Variants in GRIA3 observed in about 807,000 individuals in gnomAD.
GRIA3 encodes glutamate receptor 3.
A neutral mutation model predicts 63.0 loss-of-function variants in GRIA3; 3 were observed. The ratio of observed to expected loss-of-function variants is 0.05; its 90% CI spans 0.02 to 0.12. The LOEUF is 0.12. GRIA3 is among the 10% of genes least tolerant of loss of function. The probability of loss-of-function intolerance (pLI) is 1.00; values close to 1 mark genes in which losing one functional copy is unlikely to be tolerated. For synonymous variants in GRIA3, 274 were observed against 257.9 expected (o/e 1.06, Z -0.60); for missense variants, 347 against 700.9 (o/e 0.50, Z 5.70).
At chrX:123,458,089 G>A (rs1339438140) in intron 12 of GRIA3, among the ~76,000 whole-genome samples, 9 of 110,319 alleles carry the variant, frequency 8.2e-5, no homozygotes, top group Non-Finnish European at 1.3e-4. Flanking sequence ...ACATCGTGTC[G>A]GGAAGAGAGC....
At chrX:123,218,451 G>GTTTTGTT (rs989983816) in intron 2 of GRIA3, among the ~76,000 whole-genome samples, 3 of 111,479 alleles carry the variant, frequency 2.7e-5, no homozygotes, top group Admixed American at 9.5e-5. Flanking sequence ...TTTTTGTTTT[G>GTTTTGTT]TTTTGTTTTT....
At chrX:123,379,105 C>A (rs2045305116) in intron 5 of GRIA3, among the ~76,000 whole-genome samples, 1 of 111,394 alleles carries the variant, frequency 9.0e-6, no homozygotes, top group South Asian at 3.8e-4. Context: ...AATTAAATGT[C>A]TTAAAATAAT....
At chrX:123,482,664 G>A (rs1488545542) in intron 14 of GRIA3, 135 bp from the exon 15 acceptor site, 1 of 727,667 alleles carries the variant, frequency 1.4e-6, no homozygotes, top group African/African-American at 2.1e-5. Context: ...CCAGTTGCCA[G>A]AATTGAGTCA....
chrX:123,189,411 C>T (rs368803729), intron 2 of GRIA3, among the ~76,000 whole-genome samples: 7 of 112,338 alleles, frequency 6.2e-5, no homozygotes, highest in East Asian at 2.8e-4. Flanking sequence ...TGTGTCCCAT[C>T]GTGTGGCTTT....
At chrX:123,201,425 G>T (rs1002616253) in intron 2 of GRIA3, among the ~76,000 whole-genome samples, 2 of 111,964 alleles carry the variant, frequency 1.8e-5, no homozygotes, top group African/African-American at 6.5e-5. Context: ...GATGCAGAGG[G>T]TGCAGGAGAC....
intron 5 of GRIA3, among the ~76,000 whole-genome samples, chrX:123,384,323 G>C (rs943840116): frequency 1.8e-5 from 2 of 112,619 alleles, no homozygotes; most frequent in Non-Finnish European, 3.8e-5. Context: ...CACCAACAAT[G>C]TATAAAGTGT....
intron 13 of GRIA3, among the ~76,000 whole-genome samples, chrX:123,476,868 G>A (rs1467318679): frequency 9.0e-6 from 1 of 111,471 alleles, no homozygotes; most frequent in Non-Finnish European, 1.9e-5. Flanking sequence ...CGACCCAGGT[G>A]TGACAACAAA....
rs765352236 is a variant in GRIA3 at position 123,483,051 on chromosome X, G to A, written c.*2+5G>A. 4.2e-6 allele frequency: 5 copies of A among 1,185,499 alleles called. No individual in the cohort carries two copies. The highest frequency in any genetic ancestry group is 5.7e-6 in the Non-Finnish European group (5 of 873,393). ...AGAGAGTGTTAAGATCTAGGGGTAC[G>A]GTTAAGGTCTAGTAAACTAATCAGC... is the stretch of plus-strand genomic sequence containing the variant. On this transcript the variant is annotated splice_donor_5th_base_variant and intron_variant, in intron 15 of 15. Coordinates refer to ENST00000620443, the MANE Select transcript of GRIA3 (RefSeq NM_007325.5).
intron 12 of GRIA3, among the ~76,000 whole-genome samples, chrX:123,446,384 G>A (rs749296654): frequency 5.4e-5 from 6 of 112,083 alleles, no homozygotes; most frequent in Non-Finnish European, 1.1e-4. Context: ...TAGATAATGA[G>A]TGACCTGGAT....
At chrX:123,293,626 C>A (rs1452550882) in intron 3 of GRIA3, among the ~76,000 whole-genome samples, 3 of 109,602 alleles carry the variant, frequency 2.7e-5, no homozygotes, top group African/African-American at 1.0e-4. Flanking sequence ...GGGGAAGGGA[C>A]AGTAGGAAGG....
chrX:123,222,897 A>C (rs2044226373), intron 2 of GRIA3, among the ~76,000 whole-genome samples: 1 of 112,396 alleles, frequency 8.9e-6, no homozygotes, highest in African/African-American at 3.2e-5. Context: ...GTTGCTCAAC[A>C]GCCTAACATC....
chrX:123,465,138 C>T lies in GRIA3; in HGVS notation c.2324+26C>T, dbSNP rs367677579. The stretch of plus-strand genomic sequence containing the variant: ...GTGGGTGGAATAATATAACAATATC[C>T]GTGTTGTTATAGTATTCCACCTACC... On this transcript the variant is annotated intron_variant, in intron 13 of 15. Transcript: ENST00000620443. The T allele has an allele frequency of 6.3e-5, 75 of 1,182,882 alleles. No homozygotes were observed. In the African/African-American group the frequency reaches 9.4e-4, roughly 15 times the overall value.
intron 12 of GRIA3, among the ~76,000 whole-genome samples, chrX:123,464,178 C>T (rs192646809): frequency 9.1e-5 from 10 of 110,024 alleles, no homozygotes; most frequent in Admixed American, 2.9e-4. Context: ...GGGATAGTAC[C>T]GGGGGTGGGG....
Position 123,184,615 on chromosome X carries a change from A to G in GRIA3, c.80A>G (p.His27Arg), listed in dbSNP as rs1210399076. 1 of 1,202,375 alleles carries G rather than the reference A, an allele frequency of 8.3e-7. No homozygotes were observed. The highest frequency in any genetic ancestry group is 1.1e-6 in the Non-Finnish European group (1 of 887,936). The change falls in exon 1 of 16, where the codon CAC becomes CGC. Residue 27 changes from histidine to arginine, a missense_variant. By Grantham distance (29) the His-to-Arg change is conservative. Coordinates refer to ENST00000620443, the MANE Select transcript of GRIA3 (RefSeq NM_007325.5). Reference sequence around the variant, plus strand: ...GTCCTGGGGCTTTTGGGTCATTCTCACGGAGGATTCCCCAACACCATCAGC... The same window carrying G: ...GTCCTGGGGCTTTTGGGTCATTCTCGCGGAGGATTCCCCAACACCATCAGC... ...FLVLGLLGHS[H>R]GGFPNTISIG... is the part of the protein sequence containing the mutation.
chrX:123,449,625 C>T (rs753399401), intron 12 of GRIA3, among the ~76,000 whole-genome samples: 1 of 112,001 alleles, frequency 8.9e-6, no homozygotes, highest in Non-Finnish European at 1.9e-5. Flanking sequence ...CTTACCAGAA[C>T]GCTCCTAACA....
rs760980944 is a variant in GRIA3, at chrX:123,388,090, C to T, written c.751-6878C>T. 2.8e-4 allele frequency among the ~76,000 whole-genome samples: 31 copies of T among 111,956 alleles called. 1 individual carries two copies. In the South Asian group the frequency reaches 0.011, roughly 40 times the overall value. ...TTATTTGTTGAAATACTTTTTATTA[C>T]TGATTCAATCTCATTACTCATTATT... is the stretch of plus-strand genomic sequence containing the variant. On this transcript the variant is annotated intron_variant, in intron 5 of 15. Transcript: ENST00000620443.
At chrX:123,288,252 TA>T (rs2044633468) in intron 3 of GRIA3, among the ~76,000 whole-genome samples, 1 of 111,190 alleles carries the variant, frequency 9.0e-6, no homozygotes, top group East Asian at 2.8e-4. Flanking sequence ...TTACACCTTA[TA>T]AAAAAATTAA....
chrX:123,339,007 G>T (rs2147340883), intron 4 of GRIA3, among the ~76,000 whole-genome samples: 1 of 112,268 alleles, frequency 8.9e-6, no homozygotes, highest in South Asian at 3.7e-4. Context: ...TATTTGCTTT[G>T]TTCAGAGCTT....
At chrX:123,322,562 T>C (rs997358283) in intron 3 of GRIA3, among the ~76,000 whole-genome samples, 1 of 111,530 alleles carries the variant, frequency 9.0e-6, no homozygotes. Context: ...TGTCAAATTT[T>C]TCTCTTTTTT....
Sources: allele counts gnomAD v4.1 joint callset (sites outside exome capture counted in the v4.1 genomes callset), GRCh38; gene constraint gnomAD v4.1.1; transcripts MANE v1.5; gene names NCBI Gene and HGNC (gene_info 2026-07-23, HGNC 2026-07-21).